The following PRKCB variants were observed in gnomAD, a reference collection of about 807,000 sequenced individuals.
PRKCB encodes the protein protein kinase C beta type.
A neutral mutation model predicts 81.5 loss-of-function variants in PRKCB; 13 were observed. That is an observed-to-expected ratio of 0.16 (90% confidence interval 0.10 to 0.25). The LOEUF is 0.25. Among genes scored for constraint, PRKCB ranks in the 10% least tolerant of loss-of-function variants. The pLI is 1.00. For missense variants in PRKCB, 509 were observed against 875.7 expected (o/e 0.58, Z 5.29); for synonymous variants, 335 against 321.4 (o/e 1.04, Z -0.45).
At chr16:24,102,558 G>C (rs1177281901) in intron 7 of PRKCB, among the ~76,000 whole-genome samples, 5 of 152,230 alleles carry the variant, frequency 3.3e-5, no homozygotes, top group Non-Finnish European at 5.9e-5. Flanking sequence ...AGATGCAGCT[G>C]TGGAAGCTAT....
intron 2 of PRKCB, among the ~76,000 whole-genome samples, chr16:23,877,047 T>G (rs1963026168): frequency 6.6e-6 from 1 of 152,044 alleles, no homozygotes; most frequent in Non-Finnish European, 1.5e-5. Context: ...CTTTAGAAAG[T>G]CCTGAAACCA....
intron 3 of PRKCB, among the ~76,000 whole-genome samples, chr16:23,998,342 A>G (rs1964986614): frequency 6.6e-6 from 1 of 152,130 alleles, no homozygotes; most frequent in Non-Finnish European, 1.5e-5. Flanking sequence ...TTCCATAATT[A>G]TGTACACCAA....
At chr16:24,115,400 G>A (rs112490561) in intron 8 of PRKCB, among the ~76,000 whole-genome samples, 10 of 148,544 alleles carry the variant, frequency 6.7e-5, no homozygotes, top group African/African-American at 2.5e-4. Context: ...TTTATCCCAA[G>A]GATTTTAGCA....
intron 5 of PRKCB, among the ~76,000 whole-genome samples, chr16:24,081,645 G>A (rs577572868): frequency 1.3e-5 from 2 of 152,228 alleles, no homozygotes; most frequent in African/African-American, 4.8e-5. Flanking sequence ...GCCTGAGGTG[G>A]GTGGATCATC....
At chr16:23,908,540 T>A (rs1006917021) in intron 2 of PRKCB, among the ~76,000 whole-genome samples, 3 of 151,088 alleles carry the variant, frequency 2.0e-5, no homozygotes, top group African/African-American at 7.3e-5. Flanking sequence ...CCTTTATTTC[T>A]TTTTTTTTGA....
At chr16:23,942,850 G>A (rs1300754478) in intron 2 of PRKCB, among the ~76,000 whole-genome samples, 3 of 152,102 alleles carry the variant, frequency 2.0e-5, no homozygotes, top group Non-Finnish European at 2.9e-5. Flanking sequence ...GTTTCTTAAC[G>A]TCTGCCCCTA....
At chr16:23,844,458 T>C (rs1382162940) in intron 2 of PRKCB, among the ~76,000 whole-genome samples, 2 of 152,162 alleles carry the variant, frequency 1.3e-5, no homozygotes, top group Non-Finnish European at 2.9e-5. Flanking sequence ...CGTTTTTCTG[T>C]TTATCTATTT....
chr16:23,907,938 C>T (rs1473041610), intron 2 of PRKCB, among the ~76,000 whole-genome samples: 1 of 152,154 alleles, frequency 6.6e-6, no homozygotes, highest in Non-Finnish European at 1.5e-5. Context: ...GATTTAACAG[C>T]ATATCGGTTT....
rs1385614927 is a variant in PRKCB at position 24,216,611 on chromosome 16, T to C, written c.*1795T>C. On this transcript the variant is annotated 3_prime_UTR_variant, in exon 17 of 17. Transcript: ENST00000643927. ...CTTTAGGGAAAAATGGGGTTTGGAT[T>C]TCTGCTTAGGCAAAGTCTCCTGCAG... 2.2e-5 allele frequency: 22 copies of C among 985,370 alleles called. No homozygotes were observed. Among genetic ancestry groups the C allele is most frequent in the Non-Finnish European group, 2.4e-5 (20 of 829,972 alleles). 61.0% of individuals were successfully genotyped at this position (985,370 alleles called of 1,614,324 possible).
At chr16:24,009,349 G>A (rs1567342769) in intron 3 of PRKCB, among the ~76,000 whole-genome samples, 2 of 151,908 alleles carry the variant, frequency 1.3e-5, no homozygotes, top group African/African-American at 2.4e-5. Context: ...AATTTAAAAA[G>A]CTAAACATCA....
At chr16:23,978,704 G>A (rs564759738) in intron 2 of PRKCB, among the ~76,000 whole-genome samples, 42 of 152,254 alleles carry the variant, frequency 2.8e-4, no homozygotes, top group African/African-American at 8.7e-4. Flanking sequence ...GGTAGATGCC[G>A]GGCTAAGCAT....
chr16:24,015,010 A>G (rs1219228795), intron 3 of PRKCB, among the ~76,000 whole-genome samples: 5 of 152,188 alleles, frequency 3.3e-5, no homozygotes, highest in Non-Finnish European at 7.3e-5. Flanking sequence ...CATGTTGGCC[A>G]GGCTGGTCTC....
intron 5 of PRKCB, among the ~76,000 whole-genome samples, chr16:24,063,415 CT>C (rs967337310): frequency 1.3e-5 from 2 of 151,964 alleles, no homozygotes; most frequent in African/African-American, 4.8e-5. Flanking sequence ...CTGCCTCAGC[CT>C]CTCAAGTAGC....
At chr16:24,022,324 G>T (rs7199551) in intron 3 of PRKCB, among the ~76,000 whole-genome samples, 87,761 of 151,356 alleles carry the variant, frequency 0.58, 25,865 homozygotes, top group South Asian at 0.78. Flanking sequence ...AGAGAAGCAG[G>T]CCTGGTGTAA....
At chr16:24,133,292 G>T (rs538382344) in intron 9 of PRKCB, among the ~76,000 whole-genome samples, 1 of 152,304 alleles carries the variant, frequency 6.6e-6, no homozygotes, top group Non-Finnish European at 1.5e-5. Flanking sequence ...GTGATGGAGG[G>T]CTCTGGGTTT....
intron 10 of PRKCB, among the ~76,000 whole-genome samples, chr16:24,170,620 G>T (rs1967427854): frequency 6.6e-6 from 1 of 152,170 alleles, no homozygotes; most frequent in Non-Finnish European, 1.5e-5. Context: ...TCACATATTG[G>T]TGTTGCCCAA....
intron 7 of PRKCB, among the ~76,000 whole-genome samples, chr16:24,096,667 ATAT>A (rs1377704808): frequency 3.0e-3 from 54 of 17,798 alleles, no homozygotes; most frequent in South Asian, 0.028. Context: ...AAAAAAAAAA[ATAT>A]ATATATATAT....
At chr16:24,116,011 C>A (rs1476118994) in intron 8 of PRKCB, among the ~76,000 whole-genome samples, 11 of 151,980 alleles carry the variant, frequency 7.2e-5, no homozygotes, top group Non-Finnish European at 1.5e-5. Context: ...GGCGTGATAT[C>A]CCAAGGATTT....
intron 2 of PRKCB, chr16:23,893,579 A>C (rs1963327115): frequency 6.6e-6 from 1 of 152,228 alleles, no homozygotes; most frequent in Non-Finnish European, 1.5e-5. Flanking sequence ...AAGGAAAAAA[A>C]CCATCCGGCG....
Sources: allele counts gnomAD v4.1 joint callset (sites outside exome capture counted in the v4.1 genomes callset), GRCh38; gene constraint gnomAD v4.1.1; transcripts MANE v1.5; gene names NCBI Gene and HGNC (gene_info 2026-07-23, HGNC 2026-07-21).